Variants in SUGCT observed in about 807,000 individuals in gnomAD.
SUGCT encodes the protein succinyl-CoA:glutarate-CoA transferase, also known as succinyl-CoA:glutarate CoA-transferase.
In SUGCT, 41 loss-of-function variants were observed where a neutral mutation model predicts 55.0. The ratio of observed to expected loss-of-function variants is 0.74; its 90% CI spans 0.58 to 0.97. SUGCT has a LOEUF of 0.97. Ranked by LOEUF, SUGCT falls within the 50% of genes least tolerant of loss-of-function variation. The pLI, the probability that SUGCT is intolerant of heterozygous loss-of-function variation, is 0.00. For missense variants in SUGCT, 568 were observed against 547.8 expected (o/e 1.04, Z -0.37); for synonymous variants, 187 against 200.4 (o/e 0.93, Z 0.56).
At chr7:40,600,130 G>A (rs1381256755) in intron 12 of SUGCT, among the ~76,000 whole-genome samples, 1 of 152,200 alleles carries the variant, frequency 6.6e-6, no homozygotes, top group Non-Finnish European at 1.5e-5. Flanking sequence ...GCCAGTCACA[G>A]CCTCTTCCTG....
Position 40,425,442 on chromosome 7 carries a change from A to T in SUGCT, c.817-23845A>T, listed in dbSNP as rs1207957658. Reference sequence around the variant, plus strand: ...TTATAGGTAAAAAAACTGCCACCTGACCAATTTAAGTGATTTGCTCAAGGC... The same window carrying T: ...TTATAGGTAAAAAAACTGCCACCTGTCCAATTTAAGTGATTTGCTCAAGGC... On this transcript the variant is annotated intron_variant, in intron 9 of 13. Coordinates refer to ENST00000335693, the MANE Select transcript of SUGCT (RefSeq NM_001193313.2). 2.0e-5 allele frequency among the ~76,000 whole-genome samples: 3 copies of T among 152,150 alleles called. No homozygotes were observed. The East Asian group carries it at 5.8e-4, about 29-fold the overall frequency.
intron 9 of SUGCT, among the ~76,000 whole-genome samples, chr7:40,366,938 T>A (rs1465951091): frequency 6.6e-6 from 1 of 152,174 alleles, no homozygotes; most frequent in Non-Finnish European, 1.5e-5. Flanking sequence ...GGACTATAAA[T>A]CATGCTGCTA....
At chr7:40,456,576 T>G (rs1320209954) in intron 10 of SUGCT, among the ~76,000 whole-genome samples, 1 of 151,886 alleles carries the variant, frequency 6.6e-6, no homozygotes, top group African/African-American at 2.4e-5. Flanking sequence ...TGATAAATAT[T>G]ATGGGAAAAA....
At chr7:40,424,673 T>C (rs1787491418) in intron 9 of SUGCT, among the ~76,000 whole-genome samples, 1 of 152,160 alleles carries the variant, frequency 6.6e-6, no homozygotes, top group Non-Finnish European at 1.5e-5. Context: ...TTAACTACTA[T>C]TATTATTTAA....
chr7:40,871,357 T>C, the SUGCT span, among the ~76,000 whole-genome samples: 2 of 152,178 alleles, frequency 1.3e-5, no homozygotes, highest in Non-Finnish European at 2.9e-5. Flanking sequence ...AAGCTAGCTA[T>C]GTGGAGAGAG....
intron 9 of SUGCT, among the ~76,000 whole-genome samples, chr7:40,410,508 A>G (rs1325668185): frequency 6.6e-6 from 1 of 152,098 alleles, no homozygotes; most frequent in African/African-American, 2.4e-5. Flanking sequence ...AATAATTATT[A>G]TACCATTTTA....
At chr7:40,543,744 G>C (rs1205992539) in intron 12 of SUGCT, among the ~76,000 whole-genome samples, 2 of 152,190 alleles carry the variant, frequency 1.3e-5, no homozygotes, top group South Asian at 2.1e-4. Flanking sequence ...ACATGCTGTG[G>C]AATGAATAGA....
At chr7:40,396,585 G>GT (rs1785746181) in intron 9 of SUGCT, among the ~76,000 whole-genome samples, 1 of 152,166 alleles carries the variant, frequency 6.6e-6, no homozygotes, top group African/African-American at 2.4e-5. Flanking sequence ...TCTGGTAAGA[G>GT]TAAGATTAAT....
At chr7:40,865,569 C>T (rs1030798827), downstream of SUGCT, among the ~76,000 whole-genome samples, 3 of 152,206 alleles carry the variant, frequency 2.0e-5, no homozygotes, top group South Asian at 2.1e-4. Flanking sequence ...CTAGACTCTT[C>T]GTTCCAGGCC....
chr7:40,889,398 G>A, the SUGCT span, among the ~76,000 whole-genome samples: 10 of 152,158 alleles, frequency 6.6e-5, no homozygotes, highest in Non-Finnish European at 1.5e-4. Flanking sequence ...TCAGAGTACT[G>A]TTAACTTTGG....
At chr7:40,971,819 C>G in the SUGCT span, among the ~76,000 whole-genome samples, 1 of 152,150 alleles carries the variant, frequency 6.6e-6, no homozygotes, top group Non-Finnish European at 1.5e-5. Context: ...TTGCAGCTCC[C>G]TCTGTATTTG....
At chr7:40,931,250 C>A in the SUGCT span, among the ~76,000 whole-genome samples, 1 of 152,188 alleles carries the variant, frequency 6.6e-6, no homozygotes, top group African/African-American at 2.4e-5. Flanking sequence ...GTTGAACCAG[C>A]CTTGCATCCC....
intron 6 of SUGCT, among the ~76,000 whole-genome samples, chr7:40,226,256 G>A (rs914964129): frequency 6.6e-6 from 1 of 152,172 alleles, no homozygotes; most frequent in Non-Finnish European, 1.5e-5. Context: ...AAAGCAAAAT[G>A]AGGTAGAACT....
chr7:41,019,553 C>G, the SUGCT span, among the ~76,000 whole-genome samples: 36 of 152,284 alleles, frequency 2.4e-4, no homozygotes, highest in South Asian at 8.3e-4. Flanking sequence ...TTTATTATTA[C>G]AAGATTGGTC....
At chr7:40,880,755 T>C in the SUGCT span, among the ~76,000 whole-genome samples, 2 of 152,350 alleles carry the variant, frequency 1.3e-5, no homozygotes, top group African/African-American at 4.8e-5. Flanking sequence ...CAGTGACCTA[T>C]GCTGAACCAA....
chr7:40,294,623 T>C (rs1227611178), intron 8 of SUGCT, among the ~76,000 whole-genome samples: 2 of 152,198 alleles, frequency 1.3e-5, no homozygotes, highest in Non-Finnish European at 2.9e-5. Flanking sequence ...CTCGGCTCAC[T>C]GCAACCTCCG....
intron 12 of SUGCT, among the ~76,000 whole-genome samples, chr7:40,679,351 G>A (rs1272921612): frequency 6.6e-6 from 1 of 151,226 alleles, no homozygotes; most frequent in African/African-American, 2.4e-5. Flanking sequence ...CATTCCTGGA[G>A]TGTGTATCCC....
At chr7:40,743,968 C>G (rs1395853543) in intron 12 of SUGCT, among the ~76,000 whole-genome samples, 1 of 152,098 alleles carries the variant, frequency 6.6e-6, no homozygotes, top group African/African-American at 2.4e-5. Context: ...GTCGCCCAGG[C>G]TGGAGTGCAG....
At chr7:40,377,218 T>C (rs767907884) in intron 9 of SUGCT, among the ~76,000 whole-genome samples, 2,015 of 7,024 alleles carry the variant, frequency 0.29, 731 homozygotes, top group South Asian at 0.79. Flanking sequence ...CTTTTCTTTC[T>C]TTTCTTTCTT....
Sources: allele counts gnomAD v4.1 joint callset (sites outside exome capture counted in the v4.1 genomes callset), GRCh38; gene constraint gnomAD v4.1.1; transcripts MANE v1.5; gene names NCBI Gene and HGNC (gene_info 2026-07-23, HGNC 2026-07-21).